The following FRMD4A variants were observed in gnomAD, a reference collection of about 807,000 sequenced individuals.
FRMD4A encodes FERM domain-containing protein 4A.
Under a neutral mutation model 129.1 loss-of-function variants are expected in FRMD4A, and 29 were observed. The ratio of observed to expected loss-of-function variants is 0.22; its 90% confidence interval spans 0.17 to 0.31. The LOEUF is 0.31. Ranked by LOEUF, FRMD4A falls within the 10% of genes least tolerant of loss-of-function variation. The pLI, the probability that FRMD4A is intolerant of heterozygous loss-of-function variation, is 1.00. For synonymous variants in FRMD4A, 634 were observed against 571.6 expected (o/e 1.11, Z -1.56); for missense variants, 1,272 against 1,375.8 (o/e 0.92, Z 1.19).
At chr10:14,324,542 T>G (rs945986876) in intron 2 of FRMD4A, among the ~76,000 whole-genome samples, 2 of 152,266 alleles carry the variant, frequency 1.3e-5, no homozygotes, top group African/African-American at 4.8e-5. Context: ...GTGGCTTCAC[T>G]GTATTACTAT....
chr10:13,904,505 G>A (rs1269119727), intron 2 of FRMD4A, among the ~76,000 whole-genome samples: 2 of 152,156 alleles, frequency 1.3e-5, no homozygotes, highest in Non-Finnish European at 2.9e-5. Context: ...ACTGCTCTCC[G>A]TCAAGAATTC....
intron 2 of FRMD4A, among the ~76,000 whole-genome samples, chr10:14,114,091 T>C (rs1199126666): frequency 6.6e-6 from 1 of 152,242 alleles, no homozygotes; most frequent in Non-Finnish European, 1.5e-5. Flanking sequence ...TTGGAAATTT[T>C]GTCTTCTCCC....
chr10:13,839,051 C>T (rs568957026), intron 3 of FRMD4A, among the ~76,000 whole-genome samples: 1 of 124,746 alleles, frequency 8.0e-6, no homozygotes, highest in African/African-American at 3.1e-5. Context: ...GGCTGGAGTA[C>T]AGTGGTGGAT....
At chr10:14,130,721 G>A (rs553059942) in intron 2 of FRMD4A, among the ~76,000 whole-genome samples, 24 of 152,306 alleles carry the variant, frequency 1.6e-4, no homozygotes, top group East Asian at 3.9e-4. Flanking sequence ...TACATAAGCC[G>A]TACAAGCTAA....
intron 2 of FRMD4A, among the ~76,000 whole-genome samples, chr10:14,184,298 A>ATT (rs60196881): frequency 0.011 from 1,180 of 104,884 alleles, 87 homozygotes; most frequent in African/African-American, 0.038. Context: ...CAACCGGTTA[A>ATT]TTTTTTTTTT....
At chr10:14,235,209 G>C (rs1268899352) in intron 2 of FRMD4A, among the ~76,000 whole-genome samples, 2 of 149,432 alleles carry the variant, frequency 1.3e-5, no homozygotes, top group African/African-American at 4.9e-5. Context: ...GAGTGCAGTG[G>C]CGCGATCTCG....
intron 2 of FRMD4A, among the ~76,000 whole-genome samples, chr10:14,170,311 G>A (rs552952448): frequency 2.0e-5 from 3 of 152,252 alleles, no homozygotes; most frequent in Non-Finnish European, 2.9e-5. Flanking sequence ...AGCAGGACTC[G>A]CCGGACATGA....
At chr10:13,844,829 TC>T (rs2094019680) in intron 3 of FRMD4A, among the ~76,000 whole-genome samples, 1 of 152,118 alleles carries the variant, frequency 6.6e-6, no homozygotes, top group African/African-American at 2.4e-5. Flanking sequence ...TAAACATGTG[TC>T]CCACCGTGCG....
chr10:14,012,851 G>A (rs1470708520), intron 2 of FRMD4A, among the ~76,000 whole-genome samples: 1 of 152,176 alleles, frequency 6.6e-6, no homozygotes, highest in Non-Finnish European at 1.5e-5. Flanking sequence ...CCACTCACAT[G>A]TGCATCTGAC....
chr10:13,752,673 G>A (rs867553997), intron 8 of FRMD4A, among the ~76,000 whole-genome samples: 47 of 152,160 alleles, frequency 3.1e-4, no homozygotes, highest in African/African-American at 1.1e-3. Context: ...TATAATGCTA[G>A]CATTGGCCTC....
intron 2 of FRMD4A, among the ~76,000 whole-genome samples, chr10:13,872,487 G>A (rs759367190): frequency 6.6e-6 from 1 of 152,270 alleles, no homozygotes; most frequent in Non-Finnish European, 1.5e-5. Flanking sequence ...CCTAAGAAAG[G>A]AGGTTTAGGA....
At chr10:14,191,377 G>T (rs1051036870) in intron 2 of FRMD4A, among the ~76,000 whole-genome samples, 1 of 152,184 alleles carries the variant, frequency 6.6e-6, no homozygotes, top group Non-Finnish European at 1.5e-5. Context: ...GGTCAAAGGT[G>T]AACAGCCAGT....
chr10:13,916,980 AT>A (rs1386040864), intron 2 of FRMD4A, among the ~76,000 whole-genome samples: 3 of 152,196 alleles, frequency 2.0e-5, no homozygotes, highest in African/African-American at 7.2e-5. Flanking sequence ...TTATACTTGG[AT>A]TGTTCTAAGT....
intron 2 of FRMD4A, among the ~76,000 whole-genome samples, chr10:14,158,681 GAGGAAGAGAAGT>G (rs964723848): frequency 6.6e-6 from 1 of 151,592 alleles, no homozygotes; most frequent in Non-Finnish European, 1.5e-5. Context: ...AGAGGAGGAG[GAGGAAGAGAAGT>G]AGGAAGAGGA....
chr10:13,921,850 A>C (rs1247820598), intron 2 of FRMD4A, among the ~76,000 whole-genome samples: 2 of 152,210 alleles, frequency 1.3e-5, no homozygotes, highest in Non-Finnish European at 2.9e-5. Flanking sequence ...GTGTATGTTA[A>C]GAATTTAGAA....
chr10:13,924,601 CCTAGA>C (rs1233785905), intron 2 of FRMD4A, among the ~76,000 whole-genome samples: 1 of 152,158 alleles, frequency 6.6e-6, no homozygotes, highest in Non-Finnish European at 1.5e-5. Context: ...TCTCCATCCT[CCTAGA>C]CTATTTTATT....
At position 14,230,798 on chromosome 10, in the gene FRMD4A, A is replaced by C. The variant is rs1029342984; in HGVS notation, c.45+99260T>G. Among the ~76,000 whole-genome samples the C allele has an allele frequency of 3.3e-5, 5 of 152,096 alleles. No homozygotes were observed. The South Asian group carries it at 1.0e-3, about 32-fold the overall frequency. On this transcript the variant is annotated intron_variant, in intron 2 of 24. Transcript: ENST00000357447. ...ACCCTCCTTCCACCTTCCACCTTCA[A>C]GCAGGCGCTGGTGTCTGTTGTTCCC...
intron 2 of FRMD4A, among the ~76,000 whole-genome samples, chr10:14,260,450 C>T (rs78790544): frequency 9.2e-5 from 14 of 152,246 alleles, no homozygotes; most frequent in African/African-American, 3.4e-4. Flanking sequence ...CATGAAATGT[C>T]CTCTCGGGCT....
chr10:14,153,647 A>T (rs917736946), intron 2 of FRMD4A, among the ~76,000 whole-genome samples: 2 of 152,144 alleles, frequency 1.3e-5, no homozygotes, highest in Non-Finnish European at 2.9e-5. Context: ...GCGAAAAGGA[A>T]ACCGAGCTTA....
Sources: gnomAD v4.1 joint callset for allele counts (sites outside exome capture counted in the v4.1 genomes callset) on GRCh38, gnomAD v4.1.1 for gene constraint, MANE v1.5 for transcripts, NCBI Gene and HGNC (gene_info 2026-07-23, HGNC 2026-07-21) for gene names.